Variants in ITPR2 observed in about 807,000 individuals in gnomAD.
The protein encoded by ITPR2 is inositol 1,4,5-trisphosphate receptor type 2, also known as inositol 1,4,5-trisphosphate-gated calcium channel ITPR2.
Under a neutral mutation model 317.1 loss-of-function variants are expected in ITPR2, and 207 were observed. The ratio of observed to expected loss-of-function variants is 0.65; its 90% confidence interval spans 0.58 to 0.73. The LOEUF (loss-of-function observed/expected upper bound fraction) is 0.73. Ranked by LOEUF, ITPR2 falls within the 30% of genes least tolerant of loss-of-function variation. ITPR2 has a pLI of 0.00. For missense variants in ITPR2, 2,613 were observed against 3,284.0 expected (o/e 0.80, Z 4.99); for synonymous variants, 1,156 against 1,149.1 (o/e 1.01, Z -0.12).
intron 53 of ITPR2, among the ~76,000 whole-genome samples, chr12:26,399,257 T>C (rs185661173): frequency 3.3e-5 from 5 of 152,250 alleles, no homozygotes; most frequent in African/African-American, 9.6e-5. Context: ...GACTGACACA[T>C]GTCTTTCCCA....
chr12:26,468,844 A>T (rs1413626641), intron 45 of ITPR2, among the ~76,000 whole-genome samples: 2 of 152,210 alleles, frequency 1.3e-5, no homozygotes, highest in African/African-American at 4.8e-5. Context: ...TACACAATTC[A>T]AATTATTGTA....
chr12:26,483,664 C>T, intron 42 of ITPR2, 34 bp downstream of exon 42: 6 of 1,488,032 alleles, frequency 4.0e-6, no homozygotes, highest in Non-Finnish European at 5.6e-6. Flanking sequence ...CAAATTAATC[C>T]CTTTACTAAT....
chr12:26,720,637 C>T (rs1948821271), intron 5 of ITPR2, among the ~76,000 whole-genome samples: 3 of 152,164 alleles, frequency 2.0e-5, no homozygotes, highest in Admixed American at 2.0e-4. Flanking sequence ...CAGCAAAAAG[C>T]AGTGTGGAAA....
chr12:26,468,690 A>G (rs1264753537), intron 45 of ITPR2, among the ~76,000 whole-genome samples: 1 of 152,152 alleles, frequency 6.6e-6, no homozygotes, highest in Non-Finnish European at 1.5e-5. Flanking sequence ...TCAGTTTTTT[A>G]AATTATAATA....
At chr12:26,797,677 ATTGTC>A (rs1950473749) in intron 1 of ITPR2, among the ~76,000 whole-genome samples, 1 of 133,480 alleles carries the variant, frequency 7.5e-6, no homozygotes, top group Admixed American at 8.3e-5. Flanking sequence ...GCATCATGGA[ATTGTC>A]TTTTTTTTTT....
rs564626417 is a variant in ITPR2, at chr12:26,737,316, C to T, written c.164-11551G>A. On this transcript the variant is annotated intron_variant, in intron 2 of 56. Coordinates refer to ENST00000381340, the MANE Select transcript of ITPR2 (RefSeq NM_002223.4). ...CTCTGTCACCCAGGCTGGAGAACGG[C>T]GCTATCTCAGCTCACTGCAACCTCC... Among the ~76,000 whole-genome samples, 342 of 151,810 alleles carry T rather than the reference C, an allele frequency of 2.3e-3. 2 individuals carry two copies. Among genetic ancestry groups the T allele is most frequent in the Non-Finnish European group, 4.4e-3 (297 of 67,926 alleles).
At chr12:26,721,416 A>G (rs568770956) in intron 5 of ITPR2, 2 of 480,258 alleles carry the variant, frequency 4.2e-6, no homozygotes, top group Non-Finnish European at 7.6e-6. Context: ...CTAAGACAAG[A>G]AATATCCAAA....
intron 55 of ITPR2, among the ~76,000 whole-genome samples, chr12:26,351,284 G>A (rs939936953): frequency 6.6e-6 from 1 of 152,172 alleles, no homozygotes; most frequent in African/African-American, 2.4e-5. Context: ...ATGCTGTAGT[G>A]GCATCAGACT....
chr12:26,711,930 G>A (rs1219765567), intron 8 of ITPR2, among the ~76,000 whole-genome samples: 1 of 152,174 alleles, frequency 6.6e-6, no homozygotes, highest in African/African-American at 2.4e-5. Context: ...TTCCATGCAT[G>A]CTTTTTATTG....
At chr12:26,346,860 G>A (rs1323944085) in intron 55 of ITPR2, among the ~76,000 whole-genome samples, 2 of 152,066 alleles carry the variant, frequency 1.3e-5, no homozygotes, top group Non-Finnish European at 2.9e-5. Flanking sequence ...TACCCTAGGT[G>A]GTGTCTGTGT....
chr12:26,369,167 T>C (rs1021303098), intron 55 of ITPR2, among the ~76,000 whole-genome samples: 5 of 152,194 alleles, frequency 3.3e-5, no homozygotes, highest in Admixed American at 1.3e-4. Context: ...GGGCAGAGCA[T>C]AGCAGGTGCC....
intron 55 of ITPR2, among the ~76,000 whole-genome samples, chr12:26,356,911 T>C (rs1938658063): frequency 6.6e-6 from 1 of 152,234 alleles, no homozygotes; most frequent in South Asian, 2.1e-4. Context: ...GGGGTATCAA[T>C]CTGATAGAAA....
intron 2 of ITPR2, among the ~76,000 whole-genome samples, chr12:26,732,791 C>G (rs1309402023): frequency 6.6e-6 from 1 of 152,182 alleles, no homozygotes; most frequent in Non-Finnish European, 1.5e-5. Context: ...ACATGTACCT[C>G]AAGGCCATTT....
chr12:26,502,262 C>A (rs552074520), intron 37 of ITPR2, among the ~76,000 whole-genome samples: 7 of 152,190 alleles, frequency 4.6e-5, no homozygotes, highest in Non-Finnish European at 8.8e-5. Context: ...CTTATGCAAT[C>A]CCTCACCAAT....
At chr12:26,784,132 T>A (rs745763100) in intron 2 of ITPR2, among the ~76,000 whole-genome samples, 3 of 152,064 alleles carry the variant, frequency 2.0e-5, no homozygotes, top group African/African-American at 7.2e-5. Flanking sequence ...TAAACTAATG[T>A]CCCCAGTGAG....
intron 45 of ITPR2, among the ~76,000 whole-genome samples, chr12:26,464,260 G>C (rs1228172488): frequency 6.6e-6 from 1 of 152,156 alleles, no homozygotes; most frequent in African/African-American, 2.4e-5. Context: ...CCATAATATA[G>C]AATCAGTGGG....
chr12:26,376,230 T>C (rs750386180), intron 55 of ITPR2, among the ~76,000 whole-genome samples: 109 of 152,194 alleles, frequency 7.2e-4, no homozygotes, highest in Non-Finnish European at 7.8e-4. Flanking sequence ...TGTGGAGGTA[T>C]CATCTAAAAT....
chr12:26,606,167 C>T (rs1946123740), intron 26 of ITPR2, among the ~76,000 whole-genome samples: 1 of 144,062 alleles, frequency 6.9e-6, no homozygotes, highest in Non-Finnish European at 1.5e-5. Context: ...ACTTATGCAG[C>T]ATCCCAGAGC....
intron 8 of ITPR2, among the ~76,000 whole-genome samples, chr12:26,714,384 C>T (rs1948701682): frequency 6.6e-6 from 1 of 152,154 alleles, no homozygotes; most frequent in African/African-American, 2.4e-5. Flanking sequence ...TTAACCACTT[C>T]TCTCAAATCC....
Sources: allele counts gnomAD v4.1 joint callset (sites outside exome capture counted in the v4.1 genomes callset), GRCh38; gene constraint gnomAD v4.1.1; transcripts MANE v1.5; gene names NCBI Gene and HGNC (gene_info 2026-07-23, HGNC 2026-07-21).